The following NPLOC4 variants were observed in gnomAD, a reference collection of about 807,000 sequenced individuals.
NPLOC4 encodes the protein nuclear protein localization protein 4 homolog.
Under a neutral mutation model 80.6 loss-of-function variants are expected in NPLOC4, and 18 were observed. That is an observed-to-expected ratio of 0.22 (90% confidence interval 0.15 to 0.33). The LOEUF is 0.33. Among genes scored for constraint, NPLOC4 ranks in the 10% least tolerant of loss-of-function variants. The pLI is 1.00. For missense variants in NPLOC4, 540 were observed against 786.1 expected, an observed-to-expected ratio of 0.69 and a Z score of 3.74; for synonymous variants, 313 against 301.5, an observed-to-expected ratio of 1.04 and a Z score of -0.39.
intron 3 of NPLOC4, among the ~76,000 whole-genome samples, chr17:81,620,642 C>T (rs1249042412): frequency 6.6e-6 from 1 of 152,068 alleles, no homozygotes; most frequent in Non-Finnish European, 1.5e-5. Context: ...ACACTGTTTT[C>T]TGAGGTGTTC....
chr17:81,587,691 T>TTTTTTTTTTA (rs2034623397), intron 12 of NPLOC4, among the ~76,000 whole-genome samples: 1 of 147,252 alleles, frequency 6.8e-6, no homozygotes, highest in African/African-American at 2.5e-5. Flanking sequence ...TTTTTTTTTT[T>TTTTTTTTTTA]GAGACAGAGT....
chr17:81,588,778 C>T (rs890117908), intron 12 of NPLOC4, among the ~76,000 whole-genome samples, 166 bp downstream of exon 12: 1 of 152,214 alleles, frequency 6.6e-6, no homozygotes, highest in African/African-American at 2.4e-5. Flanking sequence ...GCATGAGTAG[C>T]GAATATCCAG....
intron 2 of NPLOC4, among the ~76,000 whole-genome samples, chr17:81,626,050 G>A (rs2035786465): frequency 1.3e-5 from 2 of 151,498 alleles, no homozygotes; most frequent in South Asian, 4.2e-4. Context: ...TCAGGAGGCT[G>A]AAACAGGAGA....
chr17:81,608,826 C>T lies in NPLOC4; in HGVS notation c.436-4G>A, dbSNP rs956420241. 2 of 1,572,284 alleles carry T rather than the reference C, an allele frequency of 1.3e-6. No homozygotes were observed. The highest frequency in any genetic ancestry group is 2.7e-5 in the African/African-American group (2 of 74,016). On this transcript the variant is annotated splice_polypyrimidine_tract_variant and splice_region_variant and intron_variant, in intron 5 of 16. Coordinates refer to ENST00000331134, the MANE Select transcript of NPLOC4 (RefSeq NM_017921.4). ...TTAGATAGTCCTCATCGAATGGCTG[C>T]CAAGACACAGAGTAAGCGAGTGCAG...
At chr17:81,571,671 G>A (rs550012440) in intron 13 of NPLOC4, among the ~76,000 whole-genome samples, 1 of 152,340 alleles carries the variant, frequency 6.6e-6, no homozygotes, top group South Asian at 2.1e-4. Context: ...TCCGGTGACT[G>A]GAGACCCAAG....
intron 12 of NPLOC4, among the ~76,000 whole-genome samples, chr17:81,585,664 G>T (rs999044509): frequency 2.7e-5 from 4 of 145,592 alleles, no homozygotes; most frequent in Non-Finnish European, 6.0e-5. Flanking sequence ...CCATTTCTGG[G>T]GGGGGGGGGA....
At chr17:81,635,918 G>A (rs2036055600) in intron 1 of NPLOC4, among the ~76,000 whole-genome samples, 1 of 89,284 alleles carries the variant, frequency 1.1e-5, no homozygotes, top group Non-Finnish European at 1.9e-5. Context: ...CTTAACGAGG[G>A]ACTGGTTTTC....
At chr17:81,624,215 T>C (rs2035739771) in intron 2 of NPLOC4, among the ~76,000 whole-genome samples, 1 of 152,020 alleles carries the variant, frequency 6.6e-6, no homozygotes, top group Non-Finnish European at 1.5e-5. Flanking sequence ...GGTCAGGAGA[T>C]CGAGGCCAGC....
intron 3 of NPLOC4, among the ~76,000 whole-genome samples, chr17:81,621,094 A>C (rs541759226): frequency 6.6e-6 from 1 of 152,080 alleles, no homozygotes; most frequent in South Asian, 2.1e-4. Flanking sequence ...AAACCCTTCA[A>C]GAAAGAAAGA....
At chr17:81,613,042 C>CCCA in intron 4 of NPLOC4, 1 of 314,154 alleles carries the variant, frequency 3.2e-6, no homozygotes, top group Non-Finnish European at 5.8e-6. Flanking sequence ...CCCCAACTCC[C>CCCA]CCAATACCTT....
rs2034039618 is a variant in NPLOC4, at chr17:81,567,357, A to T, written c.1566+60T>A. The T allele has an allele frequency of 2.0e-6, 2 of 987,600 alleles. No homozygotes were observed. Among genetic ancestry groups the T allele is most frequent in the Non-Finnish European group, 3.2e-6 (2 of 625,952 alleles). The allele number at this position is 987,600 out of a possible 1,614,324, so 61.2% of individuals were successfully genotyped here. On this transcript the variant is annotated intron_variant, in intron 15 of 16. Transcript: ENST00000331134. The surrounding 1 kb of genome is among the most constrained non-coding windows in gnomAD (Gnocchi z 4.5). The stretch of plus-strand genomic sequence containing the variant: ...TCTGGGAGGAAAGAAAGCAAGACAC[A>T]GGCGTCTCTTTGCAGCCAAAGCCCA...
chr17:81,578,590 G>C (rs2034360894), intron 12 of NPLOC4, among the ~76,000 whole-genome samples: 1 of 152,214 alleles, frequency 6.6e-6, no homozygotes, highest in Non-Finnish European at 1.5e-5. Context: ...TGACAGGAGG[G>C]GAAGGGGAAG....
At chr17:81,574,824 GACA>G (rs1017553829) in intron 12 of NPLOC4, among the ~76,000 whole-genome samples, 1 of 152,004 alleles carries the variant, frequency 6.6e-6, no homozygotes, top group African/African-American at 2.4e-5. Flanking sequence ...GACCAGACTG[GACA>G]ACGTGGTGAA....
At chr17:81,617,946 C>T (rs1002848945) in intron 3 of NPLOC4, among the ~76,000 whole-genome samples, 9 of 152,314 alleles carry the variant, frequency 5.9e-5, no homozygotes, top group African/African-American at 1.4e-4. Flanking sequence ...GACGGAGTCT[C>T]GTTCACTCAG....
At position 81,617,664 on chromosome 17, in the gene NPLOC4, C is replaced by CCCCTCCCCCTA. The variant is rs1555686681; in HGVS notation, c.210-4171_210-4170insTAGGGGGAGGG. ...CTCTATTAAAAACACAAAAAATGCC[C>CCCCTCCCCCTA]CCCCTCCCCCTCCGTCTCTTTCCAC... On this transcript the variant is annotated intron_variant, in intron 3 of 16. Transcript: ENST00000331134. Among the ~76,000 whole-genome samples the CCCCTCCCCCTA allele has an allele frequency of 2.9e-3, 121 of 41,822 alleles. 1 individual carries two copies. Among genetic ancestry groups the CCCCTCCCCCTA allele is most frequent in the African/African-American group, 0.017 (116 of 6,636 alleles). 27.4% of individuals were successfully genotyped at this position (41,822 alleles called of 152,430 possible). A position where few individuals can be genotyped will look rare whatever the true frequency, so the allele number is the denominator to read the frequency against.
intron 4 of NPLOC4, 157 bp downstream of exon 4, chr17:81,613,161 C>T (rs1291190909): frequency 1.9e-6 from 1 of 521,730 alleles, no homozygotes; most frequent in Non-Finnish European, 3.0e-6. Flanking sequence ...AAAAAGCTAA[C>T]AAGATAACTT....
intron 11 of NPLOC4, among the ~76,000 whole-genome samples, chr17:81,593,109 G>A (rs566209667): frequency 6.6e-6 from 1 of 152,232 alleles, no homozygotes; most frequent in South Asian, 2.1e-4. Context: ...CTACACACTT[G>A]TGTAGGCAAA....
intron 12 of NPLOC4, among the ~76,000 whole-genome samples, chr17:81,586,916 C>T (rs576522504): frequency 1.4e-4 from 22 of 152,042 alleles, no homozygotes; most frequent in African/African-American, 5.3e-4. Context: ...GGACAGCTCA[C>T]CACCACCACA....
intron 12 of NPLOC4, among the ~76,000 whole-genome samples, chr17:81,584,605 G>T (rs534512219): frequency 6.6e-6 from 1 of 152,200 alleles, no homozygotes. Flanking sequence ...AAAGCCCAGA[G>T]AATGAGAAGG....
Sources: gnomAD v4.1 joint callset for allele counts (sites outside exome capture counted in the v4.1 genomes callset) on GRCh38, gnomAD v4.1.1 for gene constraint, Gnocchi (gnomAD v3.1) non-coding constraint, MANE v1.5 for transcripts, NCBI Gene and HGNC (gene_info 2026-07-23, HGNC 2026-07-21) for gene names.